Variants in SORCS2 observed in about 807,000 individuals in gnomAD.
SORCS2 encodes sortilin related VPS10 domain containing receptor 2, also known as VPS10 domain-containing receptor SorCS2.
Under a neutral mutation model 141.6 loss-of-function variants are expected in SORCS2, and 100 were observed. The ratio of observed to expected loss-of-function variants is 0.71; its 90% CI spans 0.60 to 0.83. The LOEUF is 0.83. Ranked by LOEUF, SORCS2 falls within the 40% of genes least tolerant of loss-of-function variation. The pLI is 0.00. For synonymous variants in SORCS2, 789 were observed against 676.9 expected (o/e 1.17, Z -2.57); for missense variants, 1,646 against 1,560.2 (o/e 1.05, Z -0.93).
intron 2 of SORCS2, among the ~76,000 whole-genome samples, chr4:7,400,189 A>C (rs565850981): frequency 1.3e-5 from 2 of 149,666 alleles, no homozygotes; most frequent in Non-Finnish European, 3.0e-5. Context: ...CTCCCACTCT[A>C]CCTCTTACTG....
chr4:7,528,207 G>C (rs1733820776), intron 2 of SORCS2, among the ~76,000 whole-genome samples: 1 of 152,078 alleles, frequency 6.6e-6, no homozygotes, highest in African/African-American at 2.4e-5. Flanking sequence ...TGAATGAGGG[G>C]GTGAATTTGA....
intron 8 of SORCS2, among the ~76,000 whole-genome samples, chr4:7,671,235 A>G (rs1413895348): frequency 2.0e-5 from 3 of 152,222 alleles, no homozygotes; most frequent in South Asian, 4.1e-4. Flanking sequence ...CAGAGTTACC[A>G]TATTATTAAT....
intron 3 of SORCS2, among the ~76,000 whole-genome samples, chr4:7,532,786 C>A (rs1312558412): frequency 1.3e-5 from 2 of 152,130 alleles, no homozygotes; most frequent in African/African-American, 4.8e-5. Flanking sequence ...CCTCTCTCTT[C>A]CTAAAGCAGG....
chr4:7,595,578 T>A (rs1170201817), intron 3 of SORCS2, among the ~76,000 whole-genome samples: 1 of 151,302 alleles, frequency 6.6e-6, no homozygotes, highest in Non-Finnish European at 1.5e-5. Context: ...GACGTTCTTG[T>A]CACTCTTGTC....
At chr4:7,439,045 A>G (rs1271859418) in intron 2 of SORCS2, among the ~76,000 whole-genome samples, 1 of 152,154 alleles carries the variant, frequency 6.6e-6, no homozygotes, top group Non-Finnish European at 1.5e-5. Context: ...TCTCCAGGGA[A>G]CATGGTGTTT....
intron 2 of SORCS2, among the ~76,000 whole-genome samples, chr4:7,443,737 C>A (rs745465236): frequency 3.9e-5 from 6 of 152,232 alleles, no homozygotes; most frequent in Admixed American, 1.3e-4. Context: ...GGCCTCAGCA[C>A]CTTGGCGTTA....
intron 1 of SORCS2, among the ~76,000 whole-genome samples, chr4:7,394,075 C>G (rs1462827092): frequency 6.6e-6 from 1 of 150,864 alleles, no homozygotes; most frequent in African/African-American, 2.5e-5. Context: ...CCGCAGGAAC[C>G]CAAAGTCCCA....
In SORCS2 at chr4:7,676,039, C is replaced by T. The variant is rs1039818016; in HGVS notation, c.1162-11C>T. The T allele has an allele frequency of 3.8e-6, 6 of 1,570,998 alleles. No homozygotes were observed. The African/African-American group carries it at 4.1e-5, about 11-fold the overall frequency. On this transcript the variant is annotated splice_polypyrimidine_tract_variant and intron_variant, in intron 8 of 26. Transcript: ENST00000507866. ...TGGCTCTGACCCTGTGCTCCCTGCA[C>T]ATCCCCACAGGATCTGCAGATCATC...
intron 18 of SORCS2, among the ~76,000 whole-genome samples, chr4:7,722,237 A>G (rs1443911447): frequency 6.6e-6 from 1 of 152,098 alleles, no homozygotes; most frequent in Non-Finnish European, 1.5e-5. Flanking sequence ...AGCACAGGAA[A>G]CACTTCCCTC....
At chr4:7,633,718 A>G (rs1169363811) in intron 3 of SORCS2, among the ~76,000 whole-genome samples, 1 of 152,196 alleles carries the variant, frequency 6.6e-6, no homozygotes, top group Non-Finnish European at 1.5e-5. Flanking sequence ...TGAAAAGCAA[A>G]CAAACAATTC....
chr4:7,236,067 G>A (rs1349745238), intron 1 of SORCS2, among the ~76,000 whole-genome samples: 1 of 152,212 alleles, frequency 6.6e-6, no homozygotes, highest in Admixed American at 6.5e-5. Flanking sequence ...AGCTTCTGAT[G>A]GGTAAACACG....
intron 3 of SORCS2, among the ~76,000 whole-genome samples, chr4:7,543,784 TCATC>T (rs771822077): frequency 0.1 from 1,369 of 13,546 alleles, 132 homozygotes; most frequent in Non-Finnish European, 0.14. Context: ...ATCCATCCAC[TCATC>T]CATCCATCCA....
intron 19 of SORCS2, among the ~76,000 whole-genome samples, chr4:7,724,923 ATGGTGGTAGTAGTG>A (rs1727080213): frequency 2.9e-5 from 1 of 34,392 alleles, no homozygotes; most frequent in African/African-American, 9.9e-5. Flanking sequence ...GTGGGAATGG[ATGGTGGTAGTAGTG>A]GTGATGGTGG....
chr4:7,213,213 C>T (rs144999486), intron 1 of SORCS2, among the ~76,000 whole-genome samples: 31 of 152,378 alleles, frequency 2.0e-4, no homozygotes, highest in African/African-American at 5.5e-4. Flanking sequence ...ACCGCCATCT[C>T]GCCTGTGGGC....
chr4:7,503,123 T>C (rs1235767264), intron 2 of SORCS2, among the ~76,000 whole-genome samples: 1 of 152,174 alleles, frequency 6.6e-6, no homozygotes, highest in Non-Finnish European at 1.5e-5. Flanking sequence ...ATCAGAGGCC[T>C]AAAATATATC....
intron 3 of SORCS2, among the ~76,000 whole-genome samples, chr4:7,577,661 G>GATTTGTCCC (rs1715848230): frequency 6.7e-6 from 1 of 148,468 alleles, no homozygotes; most frequent in Non-Finnish European, 1.5e-5. Flanking sequence ...GTTTGGAGAA[G>GATTTGTCCC]TCATATAGCA....
chr4:7,413,355 A>T (rs114141047), intron 2 of SORCS2, among the ~76,000 whole-genome samples: 2,653 of 149,586 alleles, frequency 0.018, 84 homozygotes, highest in African/African-American at 0.062. Flanking sequence ...TTATGTATTA[A>T]ACATGTTCTT....
At chr4:7,638,194 C>T (rs1235888673) in intron 3 of SORCS2, 134 bp from the exon 4 acceptor site, 5 of 1,149,116 alleles carry the variant, frequency 4.4e-6, no homozygotes, top group South Asian at 1.6e-5. Flanking sequence ...GAGAGGCACA[C>T]CCGGCCCAGG....
At chr4:7,351,050 C>T (rs532819570) in intron 1 of SORCS2, among the ~76,000 whole-genome samples, 10 of 152,320 alleles carry the variant, frequency 6.6e-5, no homozygotes, top group African/African-American at 2.2e-4. Flanking sequence ...ACTGTGCTCA[C>T]GGATACCATG....
Sources: gnomAD v4.1 joint callset for allele counts (sites outside exome capture counted in the v4.1 genomes callset) on GRCh38, gnomAD v4.1.1 for gene constraint, MANE v1.5 for transcripts, NCBI Gene and HGNC (gene_info 2026-07-23, HGNC 2026-07-21) for gene names.